SH3RF1: variants seen among roughly 807,000 people sequenced by gnomAD.
The protein encoded by SH3RF1 is SH3 domain containing ring finger 1.
Under a neutral mutation model 74.0 loss-of-function variants are expected in SH3RF1, and 32 were observed. The ratio of observed to expected loss-of-function variants is 0.43; its 90% CI spans 0.33 to 0.58. The LOEUF is 0.58. Ranked by LOEUF, SH3RF1 falls within the 20% of genes least tolerant of loss-of-function variation. SH3RF1 has a pLI of 0.05. For missense variants in SH3RF1, 954 were observed against 1,130.9 expected (o/e 0.84, Z 2.24); for synonymous variants, 396 against 439.6 (o/e 0.90, Z 1.24).
chr4:169,105,588 C>T (rs1305643287), intron 11 of SH3RF1, among the ~76,000 whole-genome samples: 1 of 152,202 alleles, frequency 6.6e-6, no homozygotes, highest in Non-Finnish European at 1.5e-5. Flanking sequence ...ACCCTTCTGG[C>T]TCAGGAAGAA....
At chr4:169,236,928 T>C (rs554773448) in intron 2 of SH3RF1, among the ~76,000 whole-genome samples, 1 of 152,298 alleles carries the variant, frequency 6.6e-6, no homozygotes, top group South Asian at 2.1e-4. Context: ...CTCCAAAAAC[T>C]ACAAAGTAGA....
chr4:169,146,805 C>A (rs2126960101), intron 4 of SH3RF1, among the ~76,000 whole-genome samples: 1 of 152,074 alleles, frequency 6.6e-6, no homozygotes, highest in Middle Eastern at 3.4e-3. Flanking sequence ...GCGTAAAAAG[C>A]TGATCATTTT....
chr4:169,176,278 G>GC (rs1734419938), intron 2 of SH3RF1, among the ~76,000 whole-genome samples: 1 of 152,090 alleles, frequency 6.6e-6, no homozygotes, highest in Admixed American at 6.5e-5. Context: ...TCTGTCATGT[G>GC]CCCCCCAAGC....
chr4:169,184,630 G>A (rs747994379), intron 2 of SH3RF1, among the ~76,000 whole-genome samples: 1 of 152,150 alleles, frequency 6.6e-6, no homozygotes, highest in Non-Finnish European at 1.5e-5. Flanking sequence ...CACTAAAAAG[G>A]AGATGCCAAT....
chr4:169,229,841 T>C (rs985987498), intron 2 of SH3RF1, among the ~76,000 whole-genome samples: 4 of 152,208 alleles, frequency 2.6e-5, no homozygotes, highest in Non-Finnish European at 4.4e-5. Context: ...AATTAAAATC[T>C]ACTTGAAACA....
intron 10 of SH3RF1, among the ~76,000 whole-genome samples, chr4:169,109,412 A>C (rs1385102550): frequency 1.3e-5 from 2 of 152,224 alleles, no homozygotes; most frequent in Admixed American, 1.3e-4. Context: ...AGCTTGCTTT[A>C]ATGACTTCTA....
chr4:169,113,401 C>T lies in SH3RF1; in HGVS notation c.2139+2868G>A, dbSNP rs866691281. Among the ~76,000 whole-genome samples the T allele has an allele frequency of 5.3e-5, 8 of 152,168 alleles. No homozygotes were observed. In the South Asian group the frequency reaches 1.0e-3, roughly 20 times the overall value. On this transcript the variant is annotated intron_variant, in intron 10 of 11. Transcript: ENST00000284637. ...CTGGGATTACAGGTGTAAGCCACCG[C>T]GCCCGGCCCCAATTTTCAAACACAT...
intron 2 of SH3RF1, among the ~76,000 whole-genome samples, chr4:169,251,078 T>C (rs770486672): frequency 6.6e-5 from 10 of 152,164 alleles, no homozygotes; most frequent in Non-Finnish European, 1.3e-4. Flanking sequence ...TGAAGTCTAA[T>C]GGACCATTAT....
chr4:169,139,095 G>A (rs541191747), intron 4 of SH3RF1, among the ~76,000 whole-genome samples: 2 of 152,234 alleles, frequency 1.3e-5, no homozygotes, highest in South Asian at 2.1e-4. Flanking sequence ...GGGACTATAG[G>A]TATGCAACAC....
At chr4:169,107,451 TCTC>T (rs1445065987) in intron 10 of SH3RF1, among the ~76,000 whole-genome samples, 2 of 152,172 alleles carry the variant, frequency 1.3e-5, no homozygotes, top group African/African-American at 2.4e-5. Flanking sequence ...ACCTTTTGCT[TCTC>T]CTCCTTCTCC....
intron 2 of SH3RF1, among the ~76,000 whole-genome samples, chr4:169,217,710 G>C (rs577248472): frequency 6.6e-6 from 1 of 152,126 alleles, no homozygotes; most frequent in Non-Finnish European, 1.5e-5. Context: ...GGGAGTTACT[G>C]TTTAATGGAT....
rs1245639504 is a variant in SH3RF1 at position 169,095,540 on chromosome 4, CTT to C, written c.*977_*978del. 1 of 152,610 alleles carries C rather than the reference CTT, an allele frequency of 6.6e-6. No homozygotes were observed. The highest frequency in any genetic ancestry group is 1.5e-5 in the Non-Finnish European group (1 of 68,040). The allele number at this position is 152,610 out of a possible 1,614,324, so 9.5% of individuals were successfully genotyped here. On this transcript the variant is annotated 3_prime_UTR_variant, in exon 12 of 12. Coordinates refer to ENST00000284637, the MANE Select transcript of SH3RF1 (RefSeq NM_020870.4). ...TCACAGTGTTTCTTATAGCCTTTGA[CTT>C]AACACGAGTGCATCACTTACCACCA... is the stretch of plus-strand genomic sequence containing the variant.
intron 2 of SH3RF1, among the ~76,000 whole-genome samples, chr4:169,219,637 T>C (rs539824094): frequency 3.3e-5 from 5 of 152,336 alleles, no homozygotes; most frequent in African/African-American, 1.2e-4. Flanking sequence ...GTTTTGTATT[T>C]CCTTCAGGCC....
At chr4:169,140,312 T>A (rs1230872824) in intron 4 of SH3RF1, among the ~76,000 whole-genome samples, 1 of 152,214 alleles carries the variant, frequency 6.6e-6, no homozygotes, top group African/African-American at 2.4e-5. Flanking sequence ...CTCAGTAGTG[T>A]GAGCTTTCTG....
rs142724989 is a variant in SH3RF1 at position 169,132,718 on chromosome 4, G to T, written c.1069-2562C>A. On this transcript the variant is annotated intron_variant, in intron 5 of 11. Transcript: ENST00000284637. ...TAAGCAAAAAGGAGGTGGGGGTGGGGGTTTATTGCTTTCCCTGAGGCCACT... is the reference window on the plus strand; with the variant it reads ...TAAGCAAAAAGGAGGTGGGGGTGGGTGTTTATTGCTTTCCCTGAGGCCACT... Among the ~76,000 whole-genome samples the T allele has an allele frequency of 2.6e-4, 40 of 151,360 alleles. No homozygotes were observed. In the East Asian group the frequency reaches 7.2e-3, roughly 27 times the overall value.
intron 2 of SH3RF1, among the ~76,000 whole-genome samples, chr4:169,193,957 G>A (rs780653073): frequency 3.9e-5 from 6 of 152,100 alleles, no homozygotes; most frequent in Non-Finnish European, 8.8e-5. Context: ...TTTCTCAGCT[G>A]TACTAAGACA....
chr4:169,178,968 A>C (rs565446718), intron 2 of SH3RF1, among the ~76,000 whole-genome samples: 7 of 152,246 alleles, frequency 4.6e-5, no homozygotes, highest in Non-Finnish European at 1.0e-4. Context: ...AGGGAAAAAT[A>C]CATTGCATAG....
intron 2 of SH3RF1, among the ~76,000 whole-genome samples, chr4:169,174,252 G>C (rs1295332393): frequency 1.3e-5 from 2 of 152,120 alleles, no homozygotes; most frequent in South Asian, 4.1e-4. Flanking sequence ...TGTAGGGGTA[G>C]GGTCTCTCTA....
At chr4:169,147,471 A>T (rs1051187836) in intron 4 of SH3RF1, among the ~76,000 whole-genome samples, 2 of 152,188 alleles carry the variant, frequency 1.3e-5, no homozygotes, top group African/African-American at 4.8e-5. Context: ...GTGGATGTGC[A>T]TGGGGGCAGG....
Sources: allele counts gnomAD v4.1 joint callset (sites outside exome capture counted in the v4.1 genomes callset), GRCh38; gene constraint gnomAD v4.1.1; transcripts MANE v1.5; gene names NCBI Gene and HGNC (gene_info 2026-07-23, HGNC 2026-07-21).